NKAIN2: variants seen among roughly 807,000 people sequenced by gnomAD.
NKAIN2 encodes sodium/potassium-transporting ATPase subunit beta-1-interacting protein 2.
A neutral mutation model predicts 32.6 loss-of-function variants in NKAIN2; 14 were observed. That is an observed-to-expected ratio of 0.43 (90% CI 0.28 to 0.67). The LOEUF is 0.67. Ranked by LOEUF, NKAIN2 falls within the 30% of genes least tolerant of loss-of-function variation. NKAIN2 has a pLI of 0.17. For synonymous variants in NKAIN2, 80 were observed against 87.2 expected, an observed-to-expected ratio of 0.92 and a Z score of 0.46; for missense variants, 198 against 258.3, an observed-to-expected ratio of 0.77 and a Z score of 1.60.
intron 1 of NKAIN2, among the ~76,000 whole-genome samples, chr6:123,990,773 C>T (rs1417839264): frequency 6.6e-6 from 1 of 152,132 alleles, no homozygotes; most frequent in Non-Finnish European, 1.5e-5. Context: ...TTCATGTAAT[C>T]AGAAATGTTA....
At chr6:123,903,911 A>ATT (rs112148060) in intron 1 of NKAIN2, among the ~76,000 whole-genome samples, 27,076 of 145,904 alleles carry the variant, frequency 0.19, 2,535 homozygotes, top group African/African-American at 0.2. Context: ...TATTATACGC[A>ATT]TTTTTTTTTT....
chr6:124,320,269 C>T (rs901326134), intron 2 of NKAIN2, among the ~76,000 whole-genome samples: 6 of 152,160 alleles, frequency 3.9e-5, no homozygotes, highest in Admixed American at 1.3e-4. Context: ...CCCAAAATGG[C>T]ATCCATCTCT....
At chr6:124,422,045 C>G (rs1203028942) in intron 3 of NKAIN2, among the ~76,000 whole-genome samples, 2 of 151,144 alleles carry the variant, frequency 1.3e-5, no homozygotes, top group African/African-American at 4.9e-5. Context: ...GAGGATGAAG[C>G]AAGATGCAAA....
intron 2 of NKAIN2, among the ~76,000 whole-genome samples, chr6:124,348,003 A>T (rs1214434233): frequency 6.6e-6 from 1 of 152,088 alleles, no homozygotes; most frequent in Admixed American, 6.5e-5. Flanking sequence ...TGATGTACAG[A>T]TGGGTTTTTG....
intron 1 of NKAIN2, among the ~76,000 whole-genome samples, chr6:123,994,285 G>C (rs1237999061): frequency 6.6e-6 from 1 of 151,750 alleles, no homozygotes; most frequent in East Asian, 1.9e-4. Context: ...GCATAGAAAG[G>C]CTGTTTTGTT....
chr6:123,878,240 G>A (rs1018153648), intron 1 of NKAIN2, among the ~76,000 whole-genome samples: 13 of 149,924 alleles, frequency 8.7e-5, no homozygotes, highest in African/African-American at 3.2e-4. Context: ...AAAAAAAATT[G>A]TAATTATCCA....
intron 3 of NKAIN2, among the ~76,000 whole-genome samples, chr6:124,364,269 A>G (rs917105218): frequency 8.6e-5 from 13 of 150,976 alleles, no homozygotes; most frequent in Non-Finnish European, 1.8e-4. Flanking sequence ...AAGAATGTCA[A>G]AAACATATGG....
intron 3 of NKAIN2, among the ~76,000 whole-genome samples, chr6:124,366,461 C>A (rs1379784387): frequency 2.0e-5 from 3 of 151,262 alleles, no homozygotes; most frequent in Admixed American, 6.6e-5. Flanking sequence ...AAAAAAAAAA[C>A]CATTTTGTGT....
chr6:123,955,278 G>A (rs190568577), intron 1 of NKAIN2, among the ~76,000 whole-genome samples: 329 of 151,184 alleles, frequency 2.2e-3, no homozygotes, highest in African/African-American at 7.5e-3. Flanking sequence ...AGAACCAATT[G>A]TAGGAATTAT....
chr6:124,557,069 T>G (rs1780501730), intron 3 of NKAIN2, among the ~76,000 whole-genome samples: 1 of 152,228 alleles, frequency 6.6e-6, no homozygotes, highest in African/African-American at 2.4e-5. Flanking sequence ...ATTTTGTCAC[T>G]ATTATTTTAG....
At chr6:124,375,929 C>T (rs543479975) in intron 3 of NKAIN2, among the ~76,000 whole-genome samples, 53 of 152,148 alleles carry the variant, frequency 3.5e-4, no homozygotes, top group Non-Finnish European at 6.6e-4. Context: ...AGCCTTTGCC[C>T]TTAGTTCTAA....
At chr6:124,240,264 AC>A (rs541236952) in intron 1 of NKAIN2, among the ~76,000 whole-genome samples, 8 of 152,178 alleles carry the variant, frequency 5.3e-5, no homozygotes, top group Non-Finnish European at 1.2e-4. Flanking sequence ...TAGCCTATTA[AC>A]CAAAAAAAGC....
At chr6:124,606,003 G>A (rs1343929603) in intron 3 of NKAIN2, among the ~76,000 whole-genome samples, 1 of 151,914 alleles carries the variant, frequency 6.6e-6, no homozygotes, top group Non-Finnish European at 1.5e-5. Flanking sequence ...AACTCCTTTG[G>A]GATATAAAGG....
At chr6:123,902,374 TA>T (rs1043034441) in intron 1 of NKAIN2, among the ~76,000 whole-genome samples, 1 of 152,092 alleles carries the variant, frequency 6.6e-6, no homozygotes, top group African/African-American at 2.4e-5. Context: ...TAAAAAAGGC[TA>T]AAAAAAGTTT....
At chr6:124,069,837 T>G (rs2114877052) in intron 1 of NKAIN2, among the ~76,000 whole-genome samples, 1 of 152,296 alleles carries the variant, frequency 6.6e-6, no homozygotes, top group South Asian at 2.1e-4. Context: ...CTTCTGGAAT[T>G]TATGCCAAAT....
intron 3 of NKAIN2, among the ~76,000 whole-genome samples, chr6:124,512,789 T>C (rs1778763863): frequency 6.6e-6 from 1 of 152,208 alleles, no homozygotes; most frequent in African/African-American, 2.4e-5. Flanking sequence ...AGATGATAGT[T>C]GAAGGGCTAC....
chr6:124,630,061 T>C (rs114868768), intron 3 of NKAIN2, among the ~76,000 whole-genome samples: 407 of 152,252 alleles, frequency 2.7e-3, no homozygotes, highest in African/African-American at 9.5e-3. Flanking sequence ...ACATAGGTAC[T>C]GCAATTGCAT....
intron 1 of NKAIN2, among the ~76,000 whole-genome samples, chr6:123,917,214 A>C (rs1775541926): frequency 6.6e-6 from 1 of 152,188 alleles, no homozygotes; most frequent in South Asian, 2.1e-4. Context: ...GAAGGAAAGC[A>C]AGAACAGAGA....
At chr6:123,861,467 C>G (rs1775782982) in intron 1 of NKAIN2, among the ~76,000 whole-genome samples, 1 of 152,066 alleles carries the variant, frequency 6.6e-6, no homozygotes, top group African/African-American at 2.4e-5. Flanking sequence ...AGTTTACAGT[C>G]CTGGTGATAC....
Sources: allele counts gnomAD v4.1 joint callset (sites outside exome capture counted in the v4.1 genomes callset), GRCh38; gene constraint gnomAD v4.1.1; transcripts MANE v1.5; gene names NCBI Gene and HGNC (gene_info 2026-07-23, HGNC 2026-07-21).